Variants in URB2 observed in about 807,000 individuals in gnomAD.
URB2 encodes unhealthy ribosome biogenesis protein 2 homolog.
Under a neutral mutation model 120.9 loss-of-function variants are expected in URB2, and 86 were observed. The ratio of observed to expected loss-of-function variants is 0.71; its 90% CI spans 0.60 to 0.85. The LOEUF (loss-of-function observed/expected upper bound fraction) is 0.85, where lower values mean the gene tolerates loss of function less well. Ranked by LOEUF, URB2 falls within the 40% of genes least tolerant of loss-of-function variation. URB2 has a pLI of 0.00. For synonymous variants in URB2, 755 were observed against 758.4 expected (o/e 1.00, Z 0.07); for missense variants, 1,765 against 1,836.5 (o/e 0.96, Z 0.71).
Position 229,659,176 on chromosome 1 carries a change from A to C in URB2, c.4454A>C (p.Asp1485Ala), listed in dbSNP as rs764173815. 4.3e-6 allele frequency: 7 copies of C among 1,613,554 alleles called. No homozygotes were observed. The highest frequency in any genetic ancestry group is 5.9e-6 in the Non-Finnish European group (7 of 1,180,036). ...ATCCTGGACCTCTGCATCGAGCCTGACGTCCAGTTCCTGCGGGCCTCGCTG... is the reference window on the plus strand; with the variant it reads ...ATCCTGGACCTCTGCATCGAGCCTGCCGTCCAGTTCCTGCGGGCCTCGCTG... ...YLILDLCIEP[D>A]VQFLRASLQP... The change falls in exon 10 of 10, where the codon GAC becomes GCC. Residue 1485 changes from aspartate (D) to alanine (A), a missense_variant. Asp to Ala is a moderately radical substitution (Grantham distance 126). Coordinates refer to ENST00000258243, the MANE Select transcript of URB2 (RefSeq NM_014777.4).
chr1:229,654,125 TA>T (rs762459768), intron 8 of URB2, 123 bp from the exon 9 acceptor site: 80 of 1,403,640 alleles, frequency 5.7e-5, no homozygotes, highest in Non-Finnish European at 7.4e-5. Context: ...ATAAGCCAAT[TA>T]AAGAGTCTGG....
chr1:229,652,198 AC>A (rs1331300837), intron 8 of URB2, among the ~76,000 whole-genome samples: 2 of 105,430 alleles, frequency 1.9e-5, no homozygotes, highest in South Asian at 3.1e-4. Context: ...AAAATAAAAA[AC>A]AAAAAAAAAA....
intron 9 of URB2, among the ~76,000 whole-genome samples, chr1:229,657,400 G>A (rs1055400354): frequency 2.6e-5 from 4 of 152,170 alleles, no homozygotes; most frequent in Non-Finnish European, 4.4e-5. Flanking sequence ...TCAGAGCATG[G>A]GCTCTGGGCT....
chr1:229,641,435 G>T (rs1432667221), intron 4 of URB2, among the ~76,000 whole-genome samples: 1 of 152,184 alleles, frequency 6.6e-6, no homozygotes, highest in Admixed American at 6.5e-5. Flanking sequence ...CTGCCACACT[G>T]TGCCCTCAGC....
rs1311873364 is a variant in URB2 at position 229,638,244 on chromosome 1, G to C, written c.3631G>C (p.Ala1211Pro). 2 of 1,592,752 alleles carry C rather than the reference G, an allele frequency of 1.3e-6. No individual in the cohort carries two copies. Among genetic ancestry groups the C allele is most frequent in the Non-Finnish European group, 1.7e-6 (2 of 1,169,966 alleles). ...SMFHSVRRVL[A>P]DPEIPVQVTQ... ...GTTTCATTCTGTGAGAAGAGTTCTT[G>C]CAGGTAAGATATTTTCTCTTGAGCT... The change falls in exon 4 of 10, where the codon GCA becomes CCA. Residue 1211 changes from alanine (A) to proline (P), a missense_variant. Transcript: ENST00000258243.
chr1:229,648,794 G>A (rs1002081916), intron 7 of URB2, among the ~76,000 whole-genome samples: 5 of 152,196 alleles, frequency 3.3e-5, no homozygotes, highest in Non-Finnish European at 7.3e-5. Context: ...TAGATACGAC[G>A]GTTAATGCAT....
At chr1:229,645,708 AC>A in intron 5 of URB2, 150 bp from the exon 6 acceptor site, 1 of 691,530 alleles carries the variant, frequency 1.4e-6, no homozygotes, top group East Asian at 2.5e-5. Context: ...CCAGGACTTA[AC>A]CCCAAGCAGG....
intron 1 of URB2, 73 bp from the exon 2 acceptor site, chr1:229,627,548 C>A: frequency 6.9e-7 from 1 of 1,457,412 alleles, no homozygotes; most frequent in South Asian, 1.3e-5. Context: ...TACTGCAATA[C>A]TGTTGGTTTT....
intron 8 of URB2, among the ~76,000 whole-genome samples, chr1:229,652,195 AAAAC>A (rs1383954424): frequency 1.9e-5 from 2 of 105,412 alleles, no homozygotes; most frequent in African/African-American, 6.6e-5. Flanking sequence ...AAAAAAATAA[AAAAC>A]AAAAAAAAAA....
At chr1:229,626,846 C>G (rs569088536) in intron 1 of URB2, among the ~76,000 whole-genome samples, 1 of 152,330 alleles carries the variant, frequency 6.6e-6, no homozygotes, top group South Asian at 2.1e-4. Context: ...GACATTTTGA[C>G]AAAATAGGAA....
rs114725472 is a variant in URB2, at chr1:229,626,911, T to C, written c.-14+555T>C. 3.9e-3 allele frequency among the ~76,000 whole-genome samples: 599 copies of C among 152,382 alleles called. 3 individuals are homozygous for C. Among genetic ancestry groups the C allele is most frequent in the African/African-American group, 0.014 (582 of 41,594 alleles). ...TGCAGTAGAGTGAAGGATAACTTAA[T>C]TTCTAAAATGAAAACGTCTTAACGT... On this transcript the variant is annotated intron_variant, in intron 1 of 9. Coordinates refer to ENST00000258243, the MANE Select transcript of URB2 (RefSeq NM_014777.4).
intron 5 of URB2, 65 bp from the exon 6 acceptor site, chr1:229,645,794 C>G (rs546835886): frequency 7.2e-7 from 1 of 1,381,106 alleles, no homozygotes. Flanking sequence ...GTCTTCTTCC[C>G]CAGGCGGAGT....
At chr1:229,629,076 G>T (rs1242650888) in intron 2 of URB2, among the ~76,000 whole-genome samples, 27 of 152,206 alleles carry the variant, frequency 1.8e-4, no homozygotes, top group Admixed American at 1.8e-3. Flanking sequence ...TCTGGCATCT[G>T]TCACTATTCA....
rs752052805 is a variant in URB2, at chr1:229,638,238, G to A, written c.3625G>A (p.Val1209Ile). The change falls in exon 4 of 10, where the codon GTT becomes ATT. Residue 1209 changes from valine (V) to isoleucine (I), a missense_variant. Coordinates refer to ENST00000258243, the MANE Select transcript of URB2 (RefSeq NM_014777.4). ...FTSMFHSVRR[V>I]LADPEIPVQV... ...CTCCATGTTTCATTCTGTGAGAAGA[G>A]TTCTTGCAGGTAAGATATTTTCTCT... 4 of 1,595,398 alleles carry A rather than the reference G, an allele frequency of 2.5e-6. No homozygotes were observed. The highest frequency in any genetic ancestry group is 4.5e-5 in the East Asian group (2 of 44,692).
chr1:229,631,002 A>AG (rs1339214375), intron 2 of URB2, among the ~76,000 whole-genome samples: 7 of 151,016 alleles, frequency 4.6e-5, no homozygotes, highest in African/African-American at 9.7e-5. Flanking sequence ...AAAAAAAAAA[A>AG]AAAGAAAGTC....
chr1:229,635,129 C>T lies in URB2; in HGVS notation c.516C>T (p.Val172=), dbSNP rs1053291024. Reference sequence around the variant, plus strand: ...CTGTGGTAGCCCAGTTGTTTGAGGTCATTCACCTGGCCCTTGGCCATTATC... The same window carrying T: ...CTGTGGTAGCCCAGTTGTTTGAGGTTATTCACCTGGCCCTTGGCCATTATC... ...EGAVVAQLFE[V]IHLALGHYLL... is the part of the protein sequence containing the mutation. Residue 172 remains valine (V), a synonymous_variant, in exon 4 of 10, where the codon GTC becomes GTT. Transcript: ENST00000258243. 1 of 1,614,046 alleles carries T rather than the reference C, an allele frequency of 6.2e-7. No homozygotes were observed. Among genetic ancestry groups the T allele is most frequent in the Non-Finnish European group, 8.5e-7 (1 of 1,179,942 alleles).
At chr1:229,650,485 C>G (rs1468966441) in intron 7 of URB2, among the ~76,000 whole-genome samples, 1 of 151,796 alleles carries the variant, frequency 6.6e-6, no homozygotes, top group Non-Finnish European at 1.5e-5. Context: ...GGCTGGAGTG[C>G]AGTGGTGCGA....
chr1:229,657,592 C>T (rs1263898596), intron 9 of URB2, among the ~76,000 whole-genome samples: 1 of 152,196 alleles, frequency 6.6e-6, no homozygotes, highest in Non-Finnish European at 1.5e-5. Context: ...CCAGTATGAT[C>T]AAGGACTTTG....
At position 229,632,525 on chromosome 1, in the gene URB2, C is replaced by T. The variant is rs1299790862; in HGVS notation, c.303+80C>T. ...TAATGCTGGAAACTTGTTTTAGTGT[C>T]AATTGTATGAAGATATAGGAAATAC... is the stretch of plus-strand genomic sequence containing the variant. On this transcript the variant is annotated intron_variant, in intron 3 of 9. Coordinates refer to ENST00000258243, the MANE Select transcript of URB2 (RefSeq NM_014777.4). 3.2e-6 allele frequency: 4 copies of T among 1,253,818 alleles called. 1 individual carries two copies. Among genetic ancestry groups the T allele is most frequent in the African/African-American group, 1.6e-5 (1 of 64,236 alleles). 77.7% of individuals were successfully genotyped at this position (1,253,818 alleles called of 1,614,324 possible).
Sources: gnomAD v4.1 joint callset for allele counts (sites outside exome capture counted in the v4.1 genomes callset) on GRCh38, gnomAD v4.1.1 for gene constraint, MANE v1.5 for transcripts, NCBI Gene and HGNC (gene_info 2026-07-23, HGNC 2026-07-21) for gene names.